GRM7: variants seen among roughly 807,000 people sequenced by gnomAD.
GRM7 encodes metabotropic glutamate receptor 7.
A neutral mutation model predicts 84.5 loss-of-function variants in GRM7; 35 were observed. The ratio of observed to expected loss-of-function variants is 0.41; its 90% confidence interval spans 0.32 to 0.55. The LOEUF is 0.55. Among genes scored for constraint, GRM7 ranks in the 20% least tolerant of loss-of-function variants. GRM7 has a pLI of 0.19. For missense variants in GRM7, 1,003 were observed against 1,194.6 expected (o/e 0.84, Z 2.36); for synonymous variants, 487 against 455.1 (o/e 1.07, Z -0.89).
At chr3:7,121,570 TC>T (rs1265120639) in intron 1 of GRM7, among the ~76,000 whole-genome samples, 1 of 152,166 alleles carries the variant, frequency 6.6e-6, no homozygotes, top group Non-Finnish European at 1.5e-5. Context: ...TTCAACATTA[TC>T]CCCCTTTCCT....
At chr3:6,937,979 T>G (rs1046115720) in intron 1 of GRM7, among the ~76,000 whole-genome samples, 1 of 152,186 alleles carries the variant, frequency 6.6e-6, no homozygotes, top group African/African-American at 2.4e-5. Context: ...ATTTTACAGA[T>G]AAAGATGCTG....
chr3:7,510,149 A>C (rs905621828), intron 7 of GRM7, among the ~76,000 whole-genome samples: 2 of 151,994 alleles, frequency 1.3e-5, no homozygotes, highest in African/African-American at 2.4e-5. Context: ...TCCCCCAGTA[A>C]GTTTCAGCTT....
At chr3:7,646,488 C>T (rs530281866) in intron 8 of GRM7, among the ~76,000 whole-genome samples, 18 of 151,966 alleles carry the variant, frequency 1.2e-4, no homozygotes, top group African/African-American at 2.9e-4. Flanking sequence ...CGCCATGCCC[C>T]GCTGACCACA....
intron 4 of GRM7, among the ~76,000 whole-genome samples, chr3:7,341,777 G>C (rs546396282): frequency 6.6e-6 from 1 of 151,962 alleles, no homozygotes; most frequent in South Asian, 2.1e-4. Context: ...ATTTGGATAG[G>C]ACCCCACATT....
chr3:7,439,132 C>T (rs989523312), intron 5 of GRM7, among the ~76,000 whole-genome samples: 3 of 152,070 alleles, frequency 2.0e-5, no homozygotes, highest in Non-Finnish European at 4.4e-5. Context: ...TAAGGAGGGA[C>T]GTGAACACTG....
intron 9 of GRM7, among the ~76,000 whole-genome samples, chr3:7,700,844 T>A (rs907589565): frequency 1.3e-5 from 2 of 152,194 alleles, no homozygotes; most frequent in African/African-American, 4.8e-5. Flanking sequence ...GTAAATAGTT[T>A]TAAGAGGTAA....
intron 1 of GRM7, among the ~76,000 whole-genome samples, chr3:6,868,875 A>T (rs185648394): frequency 6.6e-6 from 1 of 152,052 alleles, no homozygotes; most frequent in Admixed American, 6.6e-5. Context: ...ATAGTTTTAT[A>T]ATTGGTCATT....
chr3:7,479,596 G>C (rs760620248), intron 7 of GRM7, among the ~76,000 whole-genome samples: 4 of 152,132 alleles, frequency 2.6e-5, no homozygotes, highest in African/African-American at 7.2e-5. Flanking sequence ...TAAGTGAAAA[G>C]AGTTAACTTT....
chr3:7,004,105 C>G (rs1283600013), intron 1 of GRM7, among the ~76,000 whole-genome samples: 2 of 152,148 alleles, frequency 1.3e-5, no homozygotes, highest in African/African-American at 4.8e-5. Context: ...ACAGAAGCTG[C>G]ATGGTCTTTA....
intron 9 of GRM7, among the ~76,000 whole-genome samples, chr3:7,721,127 GCTTAAGTT>G (rs1701932048): frequency 6.6e-6 from 1 of 152,172 alleles, no homozygotes; most frequent in Non-Finnish European, 1.5e-5. Context: ...TAGGACTCAT[GCTTAAGTT>G]CTTAACAGGA....
intron 8 of GRM7, among the ~76,000 whole-genome samples, chr3:7,655,176 A>T (rs112014595): frequency 2.0e-5 from 3 of 152,340 alleles, no homozygotes; most frequent in African/African-American, 7.2e-5. Flanking sequence ...TCAAAATTCC[A>T]CCAGGAAATG....
chr3:7,116,510 ACTGT>A (rs748908500), intron 1 of GRM7, among the ~76,000 whole-genome samples: 38 of 152,182 alleles, frequency 2.5e-4, no homozygotes, highest in African/African-American at 8.9e-4. Flanking sequence ...ACAGTCACAT[ACTGT>A]CTGTCTCTAC....
intron 1 of GRM7, among the ~76,000 whole-genome samples, chr3:6,878,617 C>T (rs1695400539): frequency 6.6e-6 from 1 of 151,980 alleles, no homozygotes; most frequent in Non-Finnish European, 1.5e-5. Flanking sequence ...AGAAATGGAC[C>T]AATACATCAC....
chr3:7,415,713 A>C (rs913984463), intron 5 of GRM7, among the ~76,000 whole-genome samples: 4 of 152,172 alleles, frequency 2.6e-5, no homozygotes, highest in Non-Finnish European at 2.9e-5. Flanking sequence ...TCATTCATTT[A>C]TTCACTCACA....
At chr3:7,626,526 T>A (rs997720219) in intron 8 of GRM7, among the ~76,000 whole-genome samples, 20 of 152,170 alleles carry the variant, frequency 1.3e-4, no homozygotes, top group African/African-American at 4.8e-4. Flanking sequence ...GTCAGCAGGG[T>A]TGGCTCCTTC....
intron 1 of GRM7, among the ~76,000 whole-genome samples, chr3:6,953,899 C>G (rs1163060436): frequency 6.6e-6 from 1 of 151,930 alleles, no homozygotes; most frequent in Non-Finnish European, 1.5e-5. Flanking sequence ...ATGTGAGGTG[C>G]TAAACATGGT....
At chr3:7,286,672 A>C (rs1408488158) in intron 2 of GRM7, among the ~76,000 whole-genome samples, 1 of 152,136 alleles carries the variant, frequency 6.6e-6, no homozygotes, top group African/African-American at 2.4e-5. Flanking sequence ...TGTTTTATTC[A>C]ATCACTTGTG....
intron 4 of GRM7, among the ~76,000 whole-genome samples, chr3:7,317,532 C>A (rs1700626512): frequency 6.6e-6 from 1 of 151,996 alleles, no homozygotes; most frequent in South Asian, 2.1e-4. Flanking sequence ...ACTTCTAGTC[C>A]TATAATCGCC....
At chr3:7,412,462 C>T (rs566421302) in intron 4 of GRM7, among the ~76,000 whole-genome samples, 1 of 152,266 alleles carries the variant, frequency 6.6e-6, no homozygotes, top group African/African-American at 2.4e-5. Flanking sequence ...CTCTCTCTCA[C>T]CTGGAAAGGT....
Sources: allele counts gnomAD v4.1 joint callset (sites outside exome capture counted in the v4.1 genomes callset), GRCh38; gene constraint gnomAD v4.1.1; transcripts MANE v1.5; gene names NCBI Gene and HGNC (gene_info 2026-07-23, HGNC 2026-07-21).